Variants in RFX7 observed in about 807,000 individuals in gnomAD.
RFX7 encodes regulatory factor X7, also known as DNA-binding protein RFX7.
A neutral mutation model predicts 111.8 loss-of-function variants in RFX7; 26 were observed. That is an observed-to-expected ratio of 0.23 (90% CI 0.17 to 0.32). The LOEUF is 0.32. Ranked by LOEUF, RFX7 falls within the 10% of genes least tolerant of loss-of-function variation. RFX7 has a pLI of 1.00. For synonymous variants in RFX7, 624 were observed against 624.4 expected, an observed-to-expected ratio of 1.00 and a Z score of 0.01; for missense variants, 1,573 against 1,772.9, an observed-to-expected ratio of 0.89 and a Z score of 2.02.
intron 5 of RFX7, among the ~76,000 whole-genome samples, chr15:56,109,697 C>T (rs1189125134): frequency 6.6e-6 from 1 of 151,978 alleles, no homozygotes; most frequent in Non-Finnish European, 1.5e-5. Flanking sequence ...TCTGCCCTGT[C>T]GCCCCGTCCG....
chr15:56,169,003 G>A (rs1191283199), intron 3 of RFX7, among the ~76,000 whole-genome samples: 1 of 152,200 alleles, frequency 6.6e-6, no homozygotes, highest in Non-Finnish European at 1.5e-5. Context: ...GCCACCAGTT[G>A]TTTCATTCTA....
At position 56,200,492 on chromosome 15, in the gene RFX7, C is replaced by T. The variant is rs76053566; in HGVS notation, c.162-21189G>A. 6.0e-4 allele frequency among the ~76,000 whole-genome samples: 92 copies of T among 152,226 alleles called. 3 individuals are homozygous for T. Among genetic ancestry groups the T allele is most frequent in the African/African-American group, 2.2e-3 (91 of 41,512 alleles). On this transcript the variant is annotated intron_variant, in intron 2 of 9. Transcript: ENST00000559447. ...GCATAGTTTCAGAGGAAGTTACAAA[C>T]CATGCAGCTTAGTATCTAATGTTAC...
At chr15:56,147,822 C>G (rs1231721703) in intron 3 of RFX7, among the ~76,000 whole-genome samples, 2 of 152,368 alleles carry the variant, frequency 1.3e-5, no homozygotes, top group East Asian at 3.9e-4. Flanking sequence ...ATCCGCCTGC[C>G]TTGGCCTCCC....
intron 5 of RFX7, among the ~76,000 whole-genome samples, chr15:56,122,011 G>T (rs752117116): frequency 6.6e-6 from 1 of 152,080 alleles, no homozygotes; most frequent in East Asian, 1.9e-4. Flanking sequence ...CTCCAGGATT[G>T]GTCCCTGGTG....
chr15:56,210,141 A>G (rs2043297262), intron 2 of RFX7, among the ~76,000 whole-genome samples: 1 of 152,078 alleles, frequency 6.6e-6, no homozygotes, highest in Non-Finnish European at 1.5e-5. Context: ...ATGGAAAAAG[A>G]TATGTCATGC....
chr15:56,110,006 G>T, intron 5 of RFX7, among the ~76,000 whole-genome samples: 1 of 138,190 alleles, frequency 7.2e-6, no homozygotes, highest in South Asian at 2.4e-4. Context: ...CCGTCCGGGA[G>T]GCGAGGGGCG....
At position 56,090,205 on chromosome 15, in the gene RFX7, A is replaced by C. The variant is rs2041579744; in HGVS notation, c.*3140T>G. On this transcript the variant is annotated 3_prime_UTR_variant, in exon 10 of 10. Transcript: ENST00000559447. ...CTCATTTTCTATTCAGAGCTCCAGA[A>C]ATATACTTACCTAGGTACTCCATAG... is the stretch of plus-strand genomic sequence containing the variant. The C allele has an allele frequency of 6.6e-6, 1 of 152,194 alleles. No homozygotes were observed. Among genetic ancestry groups the C allele is most frequent in the South Asian group, 2.1e-4 (1 of 4,834 alleles). The allele number at this position is 152,194 out of a possible 1,614,324, so 9.4% of individuals were successfully genotyped here.
chr15:56,093,633 C>T lies in RFX7; in HGVS notation c.4095G>A (p.Leu1365=), dbSNP rs1343521705. 6.2e-7 allele frequency: 1 copy of T among 1,613,806 alleles called. No individual in the cohort carries two copies. The highest frequency in any genetic ancestry group is 8.5e-7 in the Non-Finnish European group (1 of 1,179,828). Residue 1365 remains leucine, a synonymous_variant, in exon 10 of 10, where the codon CTG becomes CTA. Coordinates refer to ENST00000559447, the MANE Select transcript of RFX7 (RefSeq NM_022841.7). Reference sequence around the variant, plus strand: ...TGAGATCAGATGCTCCCTGACCTACCAGCTGCTGGTTGGTTTGCAAGCTGT... The same window carrying T: ...TGAGATCAGATGCTCCCTGACCTACTAGCTGCTGGTTGGTTTGCAAGCTGT... The part of the protein sequence containing the change: ...SGDSLQTNQQ[L]VGQGASDLTN...
At chr15:56,208,613 G>A (rs1383999397) in intron 2 of RFX7, among the ~76,000 whole-genome samples, 2 of 152,104 alleles carry the variant, frequency 1.3e-5, no homozygotes, top group African/African-American at 4.8e-5. Flanking sequence ...TATCAGACCA[G>A]GAATTTAAAA....
At chr15:56,102,384 C>A (rs1044219205) in intron 6 of RFX7, 131 bp from the exon 7 acceptor site, 1 of 535,318 alleles carries the variant, frequency 1.9e-6, no homozygotes, top group Non-Finnish European at 3.2e-6. Context: ...CTGAATTCTT[C>A]AGTAAGAAAA....
chr15:56,193,151 G>A (rs1013897477), intron 2 of RFX7: 33 of 225,812 alleles, frequency 1.5e-4, no homozygotes, highest in Admixed American at 1.3e-3. Flanking sequence ...GCCGGTCACT[G>A]CAGCAACCTG....
chr15:56,149,708 G>T (rs370874365), intron 3 of RFX7, among the ~76,000 whole-genome samples: 1 of 152,094 alleles, frequency 6.6e-6, no homozygotes, highest in East Asian at 1.9e-4. Context: ...CACAAACCAG[G>T]AGATTCCCTC....
At chr15:56,148,438 C>G (rs1256901895) in intron 3 of RFX7, among the ~76,000 whole-genome samples, 1 of 152,174 alleles carries the variant, frequency 6.6e-6, no homozygotes, top group African/African-American at 2.4e-5. Context: ...AGCAAACAAT[C>G]AGATTCAACA....
chr15:56,223,637 T>C (rs1301792017), intron 2 of RFX7, among the ~76,000 whole-genome samples: 1 of 152,196 alleles, frequency 6.6e-6, no homozygotes, highest in African/African-American at 2.4e-5. Flanking sequence ...TACATACTCA[T>C]CAAGAAAACT....
chr15:56,094,483 A>G lies in RFX7; in HGVS notation c.3245T>C (p.Ile1082Thr). Reference protein sequence around the residue: ...VGNSSVSGHGILPSYQELVED... With the variant: ...VGNSSVSGHGTLPSYQELVED... Reference sequence around the variant, plus strand: ...CACTAGTTCCTGATAGCTTGGGAGAATACCATGGCCAGAAACTGATGAATT... The same window carrying G: ...CACTAGTTCCTGATAGCTTGGGAGAGTACCATGGCCAGAAACTGATGAATT... Residue 1082 changes from isoleucine (I) to threonine (T), a missense_variant, in exon 10 of 10, where the codon ATT becomes ACT. Transcript: ENST00000559447. 1 of 1,613,948 alleles carries G rather than the reference A, an allele frequency of 6.2e-7. No homozygotes were observed. The highest frequency in any genetic ancestry group is 8.5e-7 in the Non-Finnish European group (1 of 1,179,866).
At chr15:56,139,286 C>T (rs1436648863) in intron 5 of RFX7, among the ~76,000 whole-genome samples, 3 of 151,202 alleles carry the variant, frequency 2.0e-5, no homozygotes, top group Non-Finnish European at 1.5e-5. Context: ...TTCACATAGT[C>T]CCATATTTCT....
intron 2 of RFX7, among the ~76,000 whole-genome samples, chr15:56,240,390 C>T (rs2043675629): frequency 6.6e-6 from 1 of 151,980 alleles, no homozygotes; most frequent in Non-Finnish European, 1.5e-5. Context: ...TCTATAATTA[C>T]CTTTAAAATA....
intron 2 of RFX7, among the ~76,000 whole-genome samples, chr15:56,197,712 A>C (rs2043158435): frequency 6.6e-6 from 1 of 152,116 alleles, no homozygotes; most frequent in Non-Finnish European, 1.5e-5. Flanking sequence ...TAGGGATAGG[A>C]GTGTGGAAAA....
intron 5 of RFX7, among the ~76,000 whole-genome samples, chr15:56,127,329 T>G (rs2042156627): frequency 6.6e-6 from 1 of 151,450 alleles, no homozygotes; most frequent in Non-Finnish European, 1.5e-5. Flanking sequence ...AAGAAGTGCT[T>G]AGCAGGAAAT....
Sources: gnomAD v4.1 joint callset for allele counts (sites outside exome capture counted in the v4.1 genomes callset) on GRCh38, gnomAD v4.1.1 for gene constraint, MANE v1.5 for transcripts, NCBI Gene and HGNC (gene_info 2026-07-23, HGNC 2026-07-21) for gene names.